Variants in CORO7 observed in about 807,000 individuals in gnomAD.
CORO7 encodes coronin-7.
In CORO7, 107 loss-of-function variants were observed where a neutral mutation model predicts 126.6. That is an observed-to-expected ratio of 0.85 (90% CI 0.72 to 0.99). The LOEUF is 0.99. CORO7 is among the 50% of genes least tolerant of loss of function. CORO7 has a pLI of 0.00. For missense variants in CORO7, 1,314 were observed against 1,255.8 expected, an observed-to-expected ratio of 1.05 and a Z score of -0.70; for synonymous variants, 603 against 536.8, an observed-to-expected ratio of 1.12 and a Z score of -1.70.
intron 9 of CORO7, chr16:4,382,287 G>A (rs762446209): frequency 3.0e-5 from 49 of 1,609,656 alleles, no homozygotes; most frequent in East Asian, 2.9e-4. Context: ...GCATCGAGCC[G>A]GTGAGCCCCA....
At chr16:4,374,086 CGTGTGTGT>C (rs112578905) in intron 9 of CORO7, among the ~76,000 whole-genome samples, 1 of 148,702 alleles carries the variant, frequency 6.7e-6, no homozygotes, top group African/African-American at 2.5e-5. Flanking sequence ...GGAGGGTGCA[CGTGTGTGT>C]GTGTGTGTGT....
At chr16:4,414,455 C>G (rs774266744) in intron 1 of CORO7, 4 of 152,302 alleles carry the variant, frequency 2.6e-5, no homozygotes, top group Non-Finnish European at 5.9e-5. Context: ...CCCTCGATGA[C>G]AGGACACCCA....
At chr16:4,399,686 T>C (rs573547308) in intron 6 of CORO7, among the ~76,000 whole-genome samples, 1 of 152,188 alleles carries the variant, frequency 6.6e-6, no homozygotes, top group South Asian at 2.1e-4. Flanking sequence ...GCCCAGGAGT[T>C]TGAGACCAGC....
intron 13 of CORO7, 57 bp downstream of exon 13, chr16:4,364,540 C>T (rs556480310): frequency 3.2e-5 from 48 of 1,521,906 alleles, no homozygotes; most frequent in Admixed American, 2.0e-5. Context: ...CACACAGCCA[C>T]ACGGGGCTAC....
chr16:4,393,510 T>G (rs1435716564), intron 7 of CORO7, among the ~76,000 whole-genome samples: 1 of 152,182 alleles, frequency 6.6e-6, no homozygotes, highest in Non-Finnish European at 1.5e-5. Context: ...TGGACAAAAG[T>G]GGAACTGACT....
At chr16:4,415,778 C>T in intron 1 of CORO7, 2 of 985,656 alleles carry the variant, frequency 2.0e-6, no homozygotes, top group Non-Finnish European at 2.4e-6. Flanking sequence ...CTCATCAGTC[C>T]TCCTGCCGTT....
intron 9 of CORO7, chr16:4,382,008 T>C: frequency 6.2e-7 from 1 of 1,605,484 alleles, no homozygotes; most frequent in Non-Finnish European, 8.5e-7. Context: ...GCTTGGCTCC[T>C]ACCTGGCTTA....
At chr16:4,357,139 TC>T in intron 26 of CORO7, 28 bp downstream of exon 26, 1 of 1,613,202 alleles carries the variant, frequency 6.2e-7, no homozygotes, top group Non-Finnish European at 8.5e-7. Context: ...CTCTGTCACC[TC>T]CGCACAGCTG....
intron 17 of CORO7, 46 bp downstream of exon 17, chr16:4,361,315 C>T (rs758425683): frequency 2.1e-5 from 34 of 1,610,416 alleles, no homozygotes; most frequent in South Asian, 1.6e-4. Flanking sequence ...AGCCCCTATC[C>T]GGGACCCAGG....
At chr16:4,406,866 C>A (rs1428282882) in intron 5 of CORO7, among the ~76,000 whole-genome samples, 1 of 151,390 alleles carries the variant, frequency 6.6e-6, no homozygotes, top group Non-Finnish European at 1.5e-5. Context: ...GTCTCGAACT[C>A]CTGACCTCGT....
intron 7 of CORO7, among the ~76,000 whole-genome samples, chr16:4,389,345 G>A (rs954798052): frequency 6.6e-6 from 1 of 152,156 alleles, no homozygotes; most frequent in African/African-American, 2.4e-5. Context: ...GTGGGGAGCT[G>A]AGGGGGCCAG....
intron 2 of CORO7, 144 bp from the exon 3 acceptor site, chr16:4,412,574 C>T (rs948188816): frequency 2.8e-5 from 22 of 781,078 alleles, no homozygotes; most frequent in South Asian, 6.9e-5. Context: ...ATCCTCTGCA[C>T]GTAGCAATGG....
intron 9 of CORO7, among the ~76,000 whole-genome samples, chr16:4,387,272 T>A (rs1200258126): frequency 1.3e-5 from 2 of 151,814 alleles, no homozygotes; most frequent in Non-Finnish European, 2.9e-5. Context: ...GGTGTCTGGC[T>A]CCTGAGCCGC....
At chr16:4,404,620 C>T (rs1205452949) in intron 6 of CORO7, among the ~76,000 whole-genome samples, 1 of 152,170 alleles carries the variant, frequency 6.6e-6, no homozygotes, top group African/African-American at 2.4e-5. Flanking sequence ...ACATTCACAC[C>T]AGGTGCTCCT....
At chr16:4,383,469 G>C (rs1201614958) in intron 9 of CORO7, 3 of 163,852 alleles carry the variant, frequency 1.8e-5, no homozygotes, top group Admixed American at 6.7e-5. Flanking sequence ...TTTGGTTTTT[G>C]TAAGACAAAC....
intron 9 of CORO7, chr16:4,382,725 G>T: frequency 6.4e-7 from 1 of 1,552,372 alleles, no homozygotes. Flanking sequence ...GGCAGGTGGG[G>T]CCAGGGGCTG....
chr16:4,374,658 T>C (rs1269597432), intron 9 of CORO7, among the ~76,000 whole-genome samples: 1 of 152,190 alleles, frequency 6.6e-6, no homozygotes, highest in Non-Finnish European at 1.5e-5. Context: ...GGCCAGGTCC[T>C]GTTCTGCCTC....
intron 6 of CORO7, among the ~76,000 whole-genome samples, chr16:4,398,018 C>T (rs1418946797): frequency 6.6e-6 from 1 of 152,158 alleles, no homozygotes; most frequent in Admixed American, 6.5e-5. Context: ...TGGACTAAAG[C>T]AATCCTCCCA....
intron 6 of CORO7, among the ~76,000 whole-genome samples, chr16:4,397,823 C>T (rs1567292379): frequency 2.0e-5 from 3 of 152,150 alleles, no homozygotes; most frequent in Admixed American, 6.5e-5. Flanking sequence ...CCATGTTGGA[C>T]AGGCTGGTGT....
Sources: gnomAD v4.1 joint callset for allele counts (sites outside exome capture counted in the v4.1 genomes callset) on GRCh38, gnomAD v4.1.1 for gene constraint, MANE v1.5 for transcripts, NCBI Gene and HGNC (gene_info 2026-07-23, HGNC 2026-07-21) for gene names.